Variants in AGO3 observed in about 807,000 individuals in gnomAD.
The protein encoded by AGO3 is protein argonaute-3.
AGO3 carries 16 observed loss-of-function variants against 105.5 expected under a neutral mutation model. That is an observed-to-expected ratio of 0.15 (90% CI 0.10 to 0.23). The LOEUF (loss-of-function observed/expected upper bound fraction) is 0.23. Among genes scored for constraint, AGO3 ranks in the 10% least tolerant of loss-of-function variants. AGO3 has a pLI of 1.00. For synonymous variants in AGO3, 340 were observed against 367.3 expected (o/e 0.93, Z 0.85); for missense variants, 534 against 1,088.0 (o/e 0.49, Z 7.16).
In AGO3 at chr1:36,064,781, A is replaced by T. The variant is rs2148872477; in HGVS notation, c.*9036A>T. ...GCCCTATGATATACTATTCTGAGAT[A>T]CTTCAGCCCCGCACACATCAAGTAC... On this transcript the variant is annotated 3_prime_UTR_variant, in exon 19 of 19. Coordinates refer to ENST00000373191, the MANE Select transcript of AGO3 (RefSeq NM_024852.4). 6.6e-6 allele frequency: 1 copy of T among 152,330 alleles called. No homozygotes were observed. Among genetic ancestry groups the T allele is most frequent in the East Asian group, 1.9e-4 (1 of 5,192 alleles). 9.4% of individuals were successfully genotyped at this position (152,330 alleles called of 1,614,324 possible).
rs1223525023 is a variant in AGO3 at position 36,008,135 on chromosome 1, A to G, written c.794-555A>G. Among the ~76,000 whole-genome samples, 1 of 152,220 alleles carries G rather than the reference A, an allele frequency of 6.6e-6. No individual in the cohort carries two copies. Among genetic ancestry groups the G allele is most frequent in the Admixed American group, 6.5e-5 (1 of 15,274 alleles). ...AATAGTATTGGAAAAGAGCTGTGTC[A>G]CTATATTATACCTCTATAAAAGTGT... On this transcript the variant is annotated intron_variant, in intron 6 of 18. Coordinates refer to ENST00000373191, the MANE Select transcript of AGO3 (RefSeq NM_024852.4). This position sits in a 1 kb window ranked among gnomAD's most constrained non-coding sequence, Gnocchi z 5.1.
chr1:35,945,688 G>T lies in AGO3; in HGVS notation c.20-4G>T. 1 of 1,608,852 alleles carries T rather than the reference G, an allele frequency of 6.2e-7. No homozygotes were observed. Among genetic ancestry groups the T allele is most frequent in the Non-Finnish European group, 8.5e-7 (1 of 1,178,744 alleles). ...ACTCTTTTTTTTTCCCTTTCCCCTG[G>T]CAGGACCCGCTGGGGCCCAGCCCCT... is the stretch of plus-strand genomic sequence containing the variant. On this transcript the variant is annotated splice_polypyrimidine_tract_variant and splice_region_variant and intron_variant, in intron 1 of 18. Transcript: ENST00000373191.
At chr1:36,018,630 A>G (rs1342863453) in intron 11 of AGO3, among the ~76,000 whole-genome samples, 2 of 151,908 alleles carry the variant, frequency 1.3e-5, no homozygotes, top group African/African-American at 2.4e-5. Context: ...ATGGGGTTTC[A>G]CCATGTTGGC....
intron 5 of AGO3, among the ~76,000 whole-genome samples, chr1:35,991,606 A>G (rs1647669206): frequency 6.6e-6 from 1 of 150,492 alleles, no homozygotes; most frequent in African/African-American, 2.4e-5. Flanking sequence ...CAAACTTAAA[A>G]TGATAGTTTA....
Position 36,055,790 on chromosome 1 carries a change from T to C in AGO3, c.*45T>C. On this transcript the variant is annotated 3_prime_UTR_variant, in exon 19 of 19. Coordinates refer to ENST00000373191, the MANE Select transcript of AGO3 (RefSeq NM_024852.4). This position sits in a 1 kb window ranked among gnomAD's most constrained non-coding sequence, Gnocchi z 4.4. The stretch of plus-strand genomic sequence containing the variant: ...TGAGAGGAAGTACTGAAAGATGAAT[T>C]GACATACAACGTATGTTTCCAGTGA... The C allele has an allele frequency of 6.3e-7, 1 of 1,591,288 alleles. No homozygotes were observed. The highest frequency in any genetic ancestry group is 1.1e-5 in the South Asian group (1 of 90,418).
intron 5 of AGO3, among the ~76,000 whole-genome samples, chr1:35,983,976 G>A (rs1042010536): frequency 2.0e-5 from 3 of 152,122 alleles, no homozygotes; most frequent in Admixed American, 6.5e-5. Context: ...TCTTCAGTAT[G>A]TAAATCCATA....
intron 5 of AGO3, among the ~76,000 whole-genome samples, chr1:36,003,709 A>AAAAT (rs1295618675): frequency 0.011 from 1,125 of 99,308 alleles, 14 homozygotes; most frequent in Non-Finnish European, 0.016. Flanking sequence ...AAAAAAAAAA[A>AAAAT]ATATATATAT....
chr1:36,013,062 A>T (rs1473690265), intron 9 of AGO3, among the ~76,000 whole-genome samples: 3 of 151,932 alleles, frequency 2.0e-5, no homozygotes, highest in Admixed American at 2.0e-4. Flanking sequence ...TCAGCCTCCC[A>T]AATAGCTGGG....
chr1:36,037,957 CT>C lies in AGO3; in HGVS notation c.1842+1694del, dbSNP rs1642084549. 2.6e-5 allele frequency among the ~76,000 whole-genome samples: 4 copies of C among 152,254 alleles called. No individual in the cohort carries two copies. The South Asian group carries it at 8.3e-4, about 32-fold the overall frequency. Reference sequence around the variant, plus strand: ...TCCGTTTCTACCAAATACCCACTTTCTTTTGTGGTTCTCAGAAGTCTTGTAA... The same window carrying C: ...TCCGTTTCTACCAAATACCCACTTTCTTTGTGGTTCTCAGAAGTCTTGTAA... On this transcript the variant is annotated intron_variant, in intron 14 of 18. Transcript: ENST00000373191.
rs748602258 is a variant in AGO3 at position 36,014,042 on chromosome 1, T to C, written c.1400T>C (p.Ile467Thr). The change falls in exon 11 of 19, where the codon ATA becomes ACA. Residue 467 changes from isoleucine to threonine, a missense_variant. Around this residue, in one of 2 missense-constraint regions of AGO3, gnomAD observed 373 missense variants for 854.0 expected, o/e 0.44. Transcript: ENST00000373191. The stretch of plus-strand genomic sequence containing the variant: ...ACACAGAGGCAGTGCAGAGAAGAAA[T>C]ATTGAAGTAAGACATGTCATTACCT... ...FATQRQCREE[I>T]LKGFTDQLRK... The C allele has an allele frequency of 2.5e-6, 4 of 1,614,074 alleles. No individual in the cohort carries two copies. The highest frequency in any genetic ancestry group is 3.4e-6 in the Non-Finnish European group (4 of 1,180,010).
intron 5 of AGO3, among the ~76,000 whole-genome samples, chr1:36,002,990 G>A (rs1033808829): frequency 3.9e-5 from 6 of 152,114 alleles, no homozygotes; most frequent in African/African-American, 1.4e-4. Context: ...AGAATTGCTT[G>A]AACCTGGGAG....
At position 35,953,770 on chromosome 1, in the gene AGO3, C is replaced by T. The variant is rs1294139168; in HGVS notation, c.191+7907C>T. ...CAGGTGATTCACCCGCCTCACCCTT[C>T]CAAAGTGCTGGGGTTACAGGCATGA... On this transcript the variant is annotated intron_variant, in intron 2 of 18. Transcript: ENST00000373191. Among the ~76,000 whole-genome samples the T allele has an allele frequency of 2.0e-5, 3 of 152,254 alleles. No individual in the cohort carries two copies. The South Asian group carries it at 6.2e-4, about 32-fold the overall frequency.
intron 2 of AGO3, among the ~76,000 whole-genome samples, chr1:35,954,674 A>G (rs1313719093): frequency 6.6e-6 from 1 of 152,254 alleles, no homozygotes; most frequent in Non-Finnish European, 1.5e-5. Flanking sequence ...GGTTCTAGCA[A>G]TAATACAATA....
chr1:35,983,303 G>A (rs755140236), intron 5 of AGO3: 1 of 151,690 alleles, frequency 6.6e-6, no homozygotes. Flanking sequence ...CTGCCATGAT[G>A]GCTTACACTT....
At chr1:36,033,559 C>T (rs927321557) in intron 12 of AGO3, among the ~76,000 whole-genome samples, 7 of 150,336 alleles carry the variant, frequency 4.7e-5, no homozygotes, top group African/African-American at 1.2e-4. Context: ...GCAAGAGGAT[C>T]GCTTTAGCTC....
In AGO3 at chr1:36,026,040, C is replaced by CAA. The variant is rs796763694; in HGVS notation, c.1407-1063_1407-1062dup. ...TGGGCAACAGAGTGAGACTCCACCTCAAAAAAAAAAAAGAAATTGGTTTTG... is the reference window on the plus strand; with the variant it reads ...TGGGCAACAGAGTGAGACTCCACCTCAAAAAAAAAAAAAAGAAATTGGTTTTG... On this transcript the variant is annotated intron_variant, in intron 11 of 18. Transcript: ENST00000373191. Among the ~76,000 whole-genome samples, 3 of 135,486 alleles carry CAA rather than the reference C, an allele frequency of 2.2e-5. No individual in the cohort carries two copies. In the South Asian group the frequency reaches 7.0e-4, roughly 31 times the overall value. The allele number at this position is 135,486 out of a possible 152,430, so 88.9% of individuals were successfully genotyped here.
intron 3 of AGO3, among the ~76,000 whole-genome samples, chr1:35,970,729 G>T (rs1328668867): frequency 6.6e-6 from 1 of 150,596 alleles, no homozygotes; most frequent in East Asian, 1.9e-4. Context: ...CCCTCCCTTT[G>T]TTTATTTATT....
chr1:36,009,057 C>T lies in AGO3; in HGVS notation c.1029+13C>T. On this transcript the variant is annotated intron_variant, in intron 8 of 18. Transcript: ENST00000373191. ...CCTGCCACTAGAAGTAATGCCTTCA[C>T]ACTGCTAATTAATACCCTGTTGTTC... 3 of 1,516,922 alleles carry T rather than the reference C, an allele frequency of 2.0e-6. No homozygotes were observed. The highest frequency in any genetic ancestry group is 2.6e-6 in the Non-Finnish European group (3 of 1,151,420). The allele number at this position is 1,516,922 out of a possible 1,614,324, so 94.0% of individuals were successfully genotyped here.
chr1:36,000,757 A>C (rs1480255041), intron 5 of AGO3, among the ~76,000 whole-genome samples: 2 of 151,326 alleles, frequency 1.3e-5, no homozygotes, highest in East Asian at 3.9e-4. Flanking sequence ...AACATTTTTC[A>C]GTAGAAGAAT....
Sources: gnomAD v4.1 joint callset for allele counts (sites outside exome capture counted in the v4.1 genomes callset) on GRCh38, gnomAD v4.1.1 for gene constraint, gnomAD v4.1.1 regional missense constraint, Gnocchi (gnomAD v3.1) non-coding constraint, MANE v1.5 for transcripts, NCBI Gene and HGNC (gene_info 2026-07-23, HGNC 2026-07-21) for gene names.